TRRAP: variants seen among roughly 807,000 people sequenced by gnomAD.
The protein encoded by TRRAP is transformation/transcription domain associated protein, also known as transformation/transcription domain-associated protein.
In TRRAP, 41 loss-of-function variants were observed where a neutral mutation model predicts 438.8. The ratio of observed to expected loss-of-function variants is 0.09; its 90% CI spans 0.07 to 0.12. The LOEUF (loss-of-function observed/expected upper bound fraction) is 0.12. Among genes scored for constraint, TRRAP ranks in the 10% least tolerant of loss-of-function variants. The pLI is 1.00. For synonymous variants in TRRAP, 1,994 were observed against 1,962.9 expected (o/e 1.02, Z -0.42); for missense variants, 3,122 against 5,055.1 (o/e 0.62, Z 11.60).
chr7:98,959,254 G>C, intron 44 of TRRAP, 90 bp from the exon 45 acceptor site: 2 of 1,547,548 alleles, frequency 1.3e-6, no homozygotes, highest in Middle Eastern at 1.7e-4. Context: ...CAGGTGTAAG[G>C]GCCAGGGCAC....
In TRRAP at chr7:98,948,737, T is replaced by G. The variant is rs1474964054; in HGVS notation, c.4788+52T>G. On this transcript the variant is annotated intron_variant, in intron 35 of 72. Coordinates refer to ENST00000456197, the MANE Select transcript of TRRAP (RefSeq NM_001375524.1). This position sits in a 1 kb window ranked among gnomAD's most constrained non-coding sequence, Gnocchi z 4.9. ...GGGGTCCCTTCAAATGCTTGTGAGCTGTCGTGCTCTGAAATGTTCAGTTCA... is the reference window on the plus strand; with the variant it reads ...GGGGTCCCTTCAAATGCTTGTGAGCGGTCGTGCTCTGAAATGTTCAGTTCA... 4 of 1,612,538 alleles carry G rather than the reference T, an allele frequency of 2.5e-6. No homozygotes were observed. The African/African-American group carries it at 5.3e-5, about 22-fold the overall frequency.
chr7:98,965,606 A>G, intron 48 of TRRAP, 90 bp from the exon 49 acceptor site: 1 of 1,569,866 alleles, frequency 6.4e-7, no homozygotes, highest in Non-Finnish European at 8.7e-7. Context: ...GAAAATGGGC[A>G]GAACCCAGCA....
In TRRAP at chr7:98,942,963, G is replaced by A; in HGVS notation, c.4419G>A (p.Lys1473=). 6.2e-7 allele frequency: 1 copy of A among 1,614,208 alleles called. No individual in the cohort carries two copies. ...TTTTCCAACAGCAACATCTGCGCAAGTGGATGGAAGTGGTGGTGATCACCC... is the reference window on the plus strand; with the variant it reads ...TTTTCCAACAGCAACATCTGCGCAAATGGATGGAAGTGGTGGTGATCACCC... ...FCDQMMQHLR[K]WMEVVVITHK... The change falls in exon 31 of 73, where the codon AAG becomes AAA. Residue 1473 remains lysine, a synonymous_variant. Coordinates refer to ENST00000456197, the MANE Select transcript of TRRAP (RefSeq NM_001375524.1).
chr7:98,993,486 C>T, intron 65 of TRRAP, 52 bp from the exon 66 acceptor site: 1 of 1,590,194 alleles, frequency 6.3e-7, no homozygotes, highest in Non-Finnish European at 8.5e-7. Context: ...GCTCCGAGCC[C>T]TGGCGTCTGT....
chr7:98,927,987 C>G (rs1263110363), intron 23 of TRRAP, among the ~76,000 whole-genome samples: 1 of 152,080 alleles, frequency 6.6e-6, no homozygotes, highest in Non-Finnish European at 1.5e-5. Flanking sequence ...GCCTATAATC[C>G]CAGCACTTTG....
intron 1 of TRRAP, among the ~76,000 whole-genome samples, chr7:98,879,242 C>G (rs1016343202): frequency 1.3e-5 from 2 of 152,208 alleles, no homozygotes; most frequent in Non-Finnish European, 2.9e-5. Flanking sequence ...GTTGCTTTTC[C>G]TCAGACACGC....
intron 27 of TRRAP, among the ~76,000 whole-genome samples, chr7:98,935,084 GC>G (rs1554413908): frequency 1.3e-5 from 2 of 152,120 alleles, no homozygotes; most frequent in African/African-American, 4.8e-5. Flanking sequence ...TGGAAGGATA[GC>G]CACTGGAATT....
intron 44 of TRRAP, among the ~76,000 whole-genome samples, chr7:98,958,492 G>T (rs1554420375): frequency 6.6e-6 from 1 of 152,052 alleles, no homozygotes; most frequent in Non-Finnish European, 1.5e-5. Context: ...TAGAGATGGG[G>T]TTTCACCATG....
At chr7:98,940,807 A>G (rs1584338242) in intron 30 of TRRAP, among the ~76,000 whole-genome samples, 1 of 152,210 alleles carries the variant, frequency 6.6e-6, no homozygotes. Context: ...GTGCTCTGCC[A>G]GAGGCAGTGG....
chr7:98,943,547 A>G (rs1456127794), intron 31 of TRRAP, among the ~76,000 whole-genome samples: 4 of 152,166 alleles, frequency 2.6e-5, no homozygotes, highest in South Asian at 4.1e-4. Flanking sequence ...ATCCACCCCA[A>G]TTGTTTGCCC....
chr7:98,901,692 GCATGCACTAC>G (rs1394355393), intron 11 of TRRAP, among the ~76,000 whole-genome samples: 1 of 152,122 alleles, frequency 6.6e-6, no homozygotes, highest in Admixed American at 6.5e-5. Context: ...AGGATTACAG[GCATGCACTAC>G]CATGCCTGGC....
At chr7:98,971,766 C>T in intron 52 of TRRAP, 33 bp from the exon 53 acceptor site, 1 of 1,605,752 alleles carries the variant, frequency 6.2e-7, no homozygotes, top group East Asian at 2.2e-5. Context: ...AAGCCTTTGA[C>T]CTTTTGGTTT....
intron 22 of TRRAP, 125 bp from the exon 23 acceptor site, chr7:98,927,042 T>C (rs1790080714): frequency 9.3e-7 from 1 of 1,070,548 alleles, no homozygotes; most frequent in Non-Finnish European, 1.3e-6. Context: ...TTAAAGCAGA[T>C]AAATTACCCA....
rs111351350 is a variant in TRRAP at position 98,933,197 on chromosome 7, C to G, written c.3853-44C>G. ...ACATTTTTAAAAAGTGTTTGTGTCT[C>G]AAGGGGCAGCTGGTGAGTGGTGCCT... On this transcript the variant is annotated intron_variant, in intron 26 of 72. Coordinates refer to ENST00000456197, the MANE Select transcript of TRRAP (RefSeq NM_001375524.1). 1.1e-3 allele frequency: 1,687 copies of G among 1,556,874 alleles called. 11 individuals are homozygous for G. The African/African-American group carries it at 0.016, about 15-fold the overall frequency.
At position 99,012,808 on chromosome 7, in the gene TRRAP, G is replaced by A. The variant is rs1441452546; in HGVS notation, c.*453G>A. 6.3e-6 allele frequency: 1 copy of A among 157,920 alleles called. No individual in the cohort carries two copies. The highest frequency in any genetic ancestry group is 1.4e-5 in the Non-Finnish European group (1 of 72,038). The allele number at this position is 157,920 out of a possible 1,614,324, so 9.8% of individuals were successfully genotyped here. On this transcript the variant is annotated 3_prime_UTR_variant, in exon 73 of 73. Coordinates refer to ENST00000456197, the MANE Select transcript of TRRAP (RefSeq NM_001375524.1). This position sits in a 1 kb window ranked among gnomAD's most constrained non-coding sequence, Gnocchi z 5.9. ...AACAAGTGTACAGAAAACTCATTTTGTTTGAGAAACAGGAGTTGATGAACC... is the reference window on the plus strand; with the variant it reads ...AACAAGTGTACAGAAAACTCATTTTATTTGAGAAACAGGAGTTGATGAACC...
At chr7:98,905,795 G>T (rs1554407433) in intron 12 of TRRAP, among the ~76,000 whole-genome samples, 1 of 152,180 alleles carries the variant, frequency 6.6e-6, no homozygotes, top group East Asian at 1.9e-4. Flanking sequence ...TAGTAAAGGG[G>T]CATTTAGGAG....
intron 20 of TRRAP, among the ~76,000 whole-genome samples, chr7:98,920,633 T>A (rs1165075167): frequency 6.6e-6 from 1 of 152,230 alleles, no homozygotes; most frequent in African/African-American, 2.4e-5. Context: ...TTAATTCTTT[T>A]CCATAGTCCT....
chr7:98,888,962 T>A (rs1246104582), intron 3 of TRRAP, among the ~76,000 whole-genome samples: 2 of 152,150 alleles, frequency 1.3e-5, no homozygotes, highest in African/African-American at 4.8e-5. Context: ...AAAATATTTG[T>A]TGAATGAATA....
intron 11 of TRRAP, among the ~76,000 whole-genome samples, chr7:98,903,031 C>T (rs1487917334): frequency 5.1e-5 from 5 of 97,944 alleles, no homozygotes; most frequent in African/African-American, 1.9e-4. Flanking sequence ...TTAGTCTTAA[C>T]GGTTTTTTTT....
Sources: allele counts gnomAD v4.1 joint callset (sites outside exome capture counted in the v4.1 genomes callset), GRCh38; gene constraint gnomAD v4.1.1; non-coding constraint Gnocchi (gnomAD v3.1); transcripts MANE v1.5; gene names NCBI Gene and HGNC (gene_info 2026-07-23, HGNC 2026-07-21).